Variants in MAN1C1 observed in about 807,000 individuals in gnomAD.
MAN1C1 encodes mannosyl-oligosaccharide 1,2-alpha-mannosidase IC.
In MAN1C1, 49 loss-of-function variants were observed where a neutral mutation model predicts 71.5. That is an observed-to-expected ratio of 0.69 (90% confidence interval 0.54 to 0.87). The LOEUF (loss-of-function observed/expected upper bound fraction) is 0.87. Ranked by LOEUF, MAN1C1 falls within the 40% of genes least tolerant of loss-of-function variation. The probability of loss-of-function intolerance (pLI) is 0.00; values close to 1 mark genes in which losing one functional copy is unlikely to be tolerated. For synonymous variants in MAN1C1, 352 were observed against 343.7 expected, an observed-to-expected ratio of 1.02 and a Z score of -0.27; for missense variants, 743 against 835.0, an observed-to-expected ratio of 0.89 and a Z score of 1.36.
chr1:25,658,734 C>T lies in MAN1C1; in HGVS notation c.541-27706C>T, dbSNP rs746189431. ...CCTCCCAAAGTGTTGGGATTATAGG[C>T]GTGAACCACTGCGCCCAGCCCCAAA... On this transcript the variant is annotated intron_variant, in intron 1 of 11. Transcript: ENST00000374332. 63 of 152,232 alleles carry T rather than the reference C, an allele frequency of 4.1e-4. 1 individual carries two copies. The highest frequency in any genetic ancestry group is 5.1e-4 in the Non-Finnish European group (35 of 68,106). 9.4% of individuals were successfully genotyped at this position (152,232 alleles called of 1,614,324 possible). A position where few individuals can be genotyped will look rare whatever the true frequency, so the allele number is the denominator to read the frequency against.
chr1:25,780,836 C>A, intron 9 of MAN1C1, 104 bp from the exon 10 acceptor site: 1 of 1,251,914 alleles, frequency 8.0e-7, no homozygotes, highest in Non-Finnish European at 1.1e-6. Context: ...ACACACCTGA[C>A]ATCACCCTGG....
chr1:25,666,289 C>T (rs926232063), intron 1 of MAN1C1, among the ~76,000 whole-genome samples: 2 of 152,152 alleles, frequency 1.3e-5, no homozygotes, highest in East Asian at 1.9e-4. Flanking sequence ...CTTTTTGCGT[C>T]GTTTTCATCC....
At chr1:25,678,584 C>T (rs145129011) in intron 1 of MAN1C1, among the ~76,000 whole-genome samples, 16 of 152,268 alleles carry the variant, frequency 1.1e-4, no homozygotes, top group Admixed American at 3.9e-4. Context: ...TTCTTAGCAA[C>T]TTCTTAGAAA....
intron 4 of MAN1C1, among the ~76,000 whole-genome samples, chr1:25,752,317 C>T (rs1263004050): frequency 6.6e-6 from 1 of 152,174 alleles, no homozygotes; most frequent in East Asian, 1.9e-4. Flanking sequence ...ACTGTCCCCG[C>T]TCCTCCACCT....
intron 4 of MAN1C1, among the ~76,000 whole-genome samples, chr1:25,749,598 C>T (rs899563602): frequency 6.6e-6 from 1 of 152,178 alleles, no homozygotes; most frequent in African/African-American, 2.4e-5. Context: ...CACAAAGCAG[C>T]GGCAGCAAGA....
chr1:25,750,295 G>A (rs745697377), intron 4 of MAN1C1, among the ~76,000 whole-genome samples: 2 of 152,236 alleles, frequency 1.3e-5, no homozygotes, highest in African/African-American at 4.8e-5. Flanking sequence ...CCCCGCTCCC[G>A]AGCTCCGGTA....
chr1:25,684,893 G>A, intron 1 of MAN1C1, among the ~76,000 whole-genome samples: 1 of 152,240 alleles, frequency 6.6e-6, no homozygotes, highest in Non-Finnish European at 1.5e-5. Flanking sequence ...TGGGCCAGCA[G>A]CAGCACAGGG....
intron 1 of MAN1C1, among the ~76,000 whole-genome samples, chr1:25,653,897 G>A (rs2045726916): frequency 6.6e-6 from 1 of 152,152 alleles, no homozygotes; most frequent in Admixed American, 6.5e-5. Flanking sequence ...TCAGTTTTTC[G>A]AGACGTTTTT....
At chr1:25,777,411 C>T (rs574961355) in intron 8 of MAN1C1, among the ~76,000 whole-genome samples, 24 of 152,278 alleles carry the variant, frequency 1.6e-4, no homozygotes, top group African/African-American at 4.8e-4. Context: ...AACAGCATCA[C>T]CTCCCTTCCC....
intron 2 of MAN1C1, among the ~76,000 whole-genome samples, chr1:25,721,293 G>A (rs1418273743): frequency 6.6e-6 from 1 of 152,008 alleles, no homozygotes; most frequent in Non-Finnish European, 1.5e-5. Flanking sequence ...TATTAATTTT[G>A]GGATCAGCTT....
intron 1 of MAN1C1, among the ~76,000 whole-genome samples, chr1:25,654,720 C>T (rs1037449597): frequency 6.6e-6 from 1 of 151,854 alleles, no homozygotes; most frequent in South Asian, 2.1e-4. Context: ...GATCTTGGCT[C>T]ACTGCAACCT....
chr1:25,686,023 G>C (rs1318445022), intron 1 of MAN1C1, among the ~76,000 whole-genome samples: 2 of 152,212 alleles, frequency 1.3e-5, no homozygotes, highest in Admixed American at 1.3e-4. Flanking sequence ...CGTCTCCTTA[G>C]CTATAAAATG....
Position 25,715,250 on chromosome 1 carries a change from C to T in MAN1C1, c.637+28714C>T, listed in dbSNP as rs2046665147. Among the ~76,000 whole-genome samples, 11 of 152,218 alleles carry T rather than the reference C, an allele frequency of 7.2e-5. No homozygotes were observed. The South Asian group carries it at 2.3e-3, about 32-fold the overall frequency. ...ATGGCTCTGCCTATCCCTAACTCAT[C>T]CTCATGTCCAGAGGGATGAAAGGGC... On this transcript the variant is annotated intron_variant, in intron 2 of 11. Coordinates refer to ENST00000374332, the MANE Select transcript of MAN1C1 (RefSeq NM_020379.4).
At position 25,781,005 on chromosome 1, in the gene MAN1C1, A is replaced by G. The variant is rs2047685951; in HGVS notation, c.1543A>G (p.Ser515Gly). ...CAGAGAGGCCGTGGCCACCCAGCTG[A>G]GCGAGAGCTACTACATCCTCCGGCC... is the stretch of plus-strand genomic sequence containing the variant. ...SGREAVATQL[S>G]ESYYILRPEV... Residue 515 changes from serine to glycine, a missense_variant, in exon 10 of 12, where the codon AGC (serine) becomes GGC (glycine). Transcript: ENST00000374332. The G allele has an allele frequency of 1.2e-6, 2 of 1,614,118 alleles. No homozygotes were observed. The highest frequency in any genetic ancestry group is 1.1e-5 in the South Asian group (1 of 91,080).
rs1157494853 is a variant in MAN1C1 at position 25,625,928 on chromosome 1, A to G, written c.540+7591A>G. Among the ~76,000 whole-genome samples the G allele has an allele frequency of 7.9e-5, 12 of 152,378 alleles. No homozygotes were observed. In the East Asian group the frequency reaches 2.3e-3, roughly 29 times the overall value. On this transcript the variant is annotated intron_variant, in intron 1 of 11. Transcript: ENST00000374332. Reference sequence around the variant, plus strand: ...GAAATTGATCCATATTGTGCGTATCAGTACTTCATTCCTTTTTATTGTTGA... The same window carrying G: ...GAAATTGATCCATATTGTGCGTATCGGTACTTCATTCCTTTTTATTGTTGA...
chr1:25,635,759 T>C (rs2045450670), intron 1 of MAN1C1, among the ~76,000 whole-genome samples: 1 of 152,196 alleles, frequency 6.6e-6, no homozygotes, highest in Non-Finnish European at 1.5e-5. Context: ...TCATTTTCTT[T>C]TTAATGTTTG....
intron 6 of MAN1C1, among the ~76,000 whole-genome samples, chr1:25,763,486 CAAA>C (rs60144894): frequency 0.16 from 13,733 of 87,344 alleles, 822 homozygotes; most frequent in African/African-American, 0.3. Flanking sequence ...GAGACTGTCT[CAAA>C]AAAAAAAAAA....
chr1:25,763,496 A>G (rs936740893), intron 6 of MAN1C1: 9 of 184,858 alleles, frequency 4.9e-5, no homozygotes, highest in African/African-American at 2.2e-4. Context: ...CAAAAAAAAA[A>G]AAAAAAAAAA....
intron 1 of MAN1C1, among the ~76,000 whole-genome samples, chr1:25,662,570 G>GCACACA (rs34302317): frequency 1.3e-5 from 2 of 151,746 alleles, no homozygotes; most frequent in East Asian, 3.9e-4. Flanking sequence ...GCACACATGC[G>GCACACA]CACACACACA....
Sources: gnomAD v4.1 joint callset for allele counts (sites outside exome capture counted in the v4.1 genomes callset) on GRCh38, gnomAD v4.1.1 for gene constraint, MANE v1.5 for transcripts, NCBI Gene and HGNC (gene_info 2026-07-23, HGNC 2026-07-21) for gene names.